The following TRPM8 variants were observed in gnomAD, a reference collection of about 807,000 sequenced individuals.
The protein encoded by TRPM8 is transient receptor potential cation channel subfamily M member 8.
Under a neutral mutation model 133.7 loss-of-function variants are expected in TRPM8, and 110 were observed. That is an observed-to-expected ratio of 0.82 (90% confidence interval 0.70 to 0.96). The LOEUF (loss-of-function observed/expected upper bound fraction) is 0.96. Among genes scored for constraint, TRPM8 ranks in the 40% least tolerant of loss-of-function variants. The pLI is 0.00. For synonymous variants in TRPM8, 535 were observed against 532.3 expected, an observed-to-expected ratio of 1.01 and a Z score of -0.07; for missense variants, 1,291 against 1,379.5, an observed-to-expected ratio of 0.94 and a Z score of 1.02.
Position 233,950,026 on chromosome 2 carries a change from T to C in TRPM8, c.1020T>C (p.Ala340=), listed in dbSNP as rs562545571. 6.2e-7 allele frequency: 1 copy of C among 1,614,198 alleles called. No individual in the cohort carries two copies. The highest frequency in any genetic ancestry group is 8.5e-7 in the Non-Finnish European group (1 of 1,180,038). Residue 340 remains alanine (A), a synonymous_variant, in exon 9 of 26, where the codon GCT becomes GCC. Transcript: ENST00000324695. ...EGSGQIADVI[A]SLVEVEDALT... ...CGGGCCAGATCGCTGATGTGATCGC[T>C]AGCCTGGTGGAGGTGGAGGATGCCC...
At position 233,985,713 on chromosome 2, in the gene TRPM8, C is replaced by T; in HGVS notation, c.2787C>T (p.Cys929=). 1.9e-6 allele frequency: 3 copies of T among 1,614,176 alleles called. No homozygotes were observed. Among genetic ancestry groups the T allele is most frequent in the African/African-American group, 1.3e-5 (1 of 75,064 alleles). Residue 929 remains cysteine, a synonymous_variant, in exon 21 of 26, where the codon TGC becomes TGT. Transcript: ENST00000324695. ...GTACCACGTATGACTTTGCCCACTG[C>T]ACCTTCACTGGGAATGAGTCCAAGC... ...VDGTTYDFAH[C]TFTGNESKPL... is the part of the protein sequence containing the mutation.
chr2:233,919,422 G>A (rs1691367112), intron 1 of TRPM8, among the ~76,000 whole-genome samples: 2 of 152,100 alleles, frequency 1.3e-5, no homozygotes, highest in Non-Finnish European at 2.9e-5. Context: ...CTGTATTAAA[G>A]TGGCACAAAT....
Position 233,927,934 on chromosome 2 carries a change from C to CTCTCTT in TRPM8, c.117+1285_117+1286insTTCTCT, listed in dbSNP as rs1691595930. ...TCTCTCTCTCTCTCTTTCTCTCTCT[C>CTCTCTT]TCTCTCTCTCTCTCTCTCTCTCTCT... On this transcript the variant is annotated intron_variant, in intron 2 of 25. Coordinates refer to ENST00000324695, the MANE Select transcript of TRPM8 (RefSeq NM_024080.5). 7.2e-5 allele frequency among the ~76,000 whole-genome samples: 4 copies of CTCTCTT among 55,382 alleles called. 1 individual carries two copies. The highest frequency in any genetic ancestry group is 6.6e-3 in the Middle Eastern group (1 of 152). 36.3% of individuals were successfully genotyped at this position (55,382 alleles called of 152,430 possible). A position where few individuals can be genotyped will look rare whatever the true frequency, so the allele number is the denominator to read the frequency against.
At position 233,926,562 on chromosome 2, in the gene TRPM8, A is replaced by G. The variant is rs757932193; in HGVS notation, c.25A>G (p.Ser9Gly). Residue 9 changes from serine (S) to glycine (G), a missense_variant, in exon 2 of 26, where the codon AGC becomes GGC. Ser to Gly is a moderately conservative substitution (Grantham distance 56). This residue lies in a region of TRPM8 where 963 missense variants were observed against 968.9 expected (regional missense o/e 0.99). Transcript: ENST00000324695. MSFRAARL[S>G]MRNRRNDTLD... Reference sequence around the variant, plus strand: ...GATGTCCTTTCGGGCAGCCAGGCTCAGCATGAGGAACAGAAGGAATGACAC... The same window carrying G: ...GATGTCCTTTCGGGCAGCCAGGCTCGGCATGAGGAACAGAAGGAATGACAC... The G allele has an allele frequency of 4.3e-6, 7 of 1,614,124 alleles. No individual in the cohort carries two copies. The highest frequency in any genetic ancestry group is 5.1e-6 in the Non-Finnish European group (6 of 1,179,994).
intron 3 of TRPM8, among the ~76,000 whole-genome samples, chr2:233,936,127 C>A (rs577889290): frequency 6.6e-6 from 1 of 152,018 alleles, no homozygotes; most frequent in Non-Finnish European, 1.5e-5. Flanking sequence ...AGGGGCTGTG[C>A]GAGAGTAAAA....
At position 234,018,350 on chromosome 2, in the gene TRPM8, A is replaced by C. The variant is rs200697654; in HGVS notation, c.*1094A>C. Reference sequence around the variant, plus strand: ...TCTCCAGTTGATCATTGGGATGAGCATCTTTGTGCATGAATCCTATTGCTG... The same window carrying C: ...TCTCCAGTTGATCATTGGGATGAGCCTCTTTGTGCATGAATCCTATTGCTG... On this transcript the variant is annotated 3_prime_UTR_variant, in exon 26 of 26. Transcript: ENST00000324695. 6.6e-4 allele frequency: 101 copies of C among 152,168 alleles called. No individual in the cohort carries two copies. Among genetic ancestry groups the C allele is most frequent in the African/African-American group, 2.3e-3 (96 of 41,562 alleles). 9.4% of individuals were successfully genotyped at this position (152,168 alleles called of 1,614,324 possible). A position where few individuals can be genotyped will look rare whatever the true frequency, so the allele number is the denominator to read the frequency against.
At chr2:233,954,122 C>A (rs1213071447) in intron 10 of TRPM8, 103 bp downstream of exon 10, 23 of 738,466 alleles carry the variant, frequency 3.1e-5, no homozygotes, top group Non-Finnish European at 4.4e-5. Flanking sequence ...GAAAGGCAAG[C>A]TTGTACTTAA....
At chr2:233,987,784 C>T (rs1300225090) in intron 21 of TRPM8, among the ~76,000 whole-genome samples, 1 of 152,180 alleles carries the variant, frequency 6.6e-6, no homozygotes, top group Non-Finnish European at 1.5e-5. Context: ...CGGTTTCCCC[C>T]ATACTGTTCT....
chr2:233,979,975 TGAAGAGCAGAACA>T (rs1691965659), intron 17 of TRPM8, 200 bp from the exon 18 acceptor site: 4 of 571,890 alleles, frequency 7.0e-6, no homozygotes, highest in Non-Finnish European at 1.2e-5. Flanking sequence ...CCAGCAGACA[TGAAGAGCAGAACA>T]GCCAGTGTGC....
intron 1 of TRPM8, among the ~76,000 whole-genome samples, chr2:233,921,931 C>T (rs28901600): frequency 0.019 from 2,869 of 152,194 alleles, 89 homozygotes; most frequent in East Asian, 0.15. Context: ...CCTTGGCCTC[C>T]CAAAGTGCTG....
rs28901639 is a variant in TRPM8, at chr2:233,946,192, T to C, written c.874+162T>C. 2.4e-4 allele frequency: 168 copies of C among 689,490 alleles called. 1 individual carries two copies. The African/African-American group carries it at 2.7e-3, about 11-fold the overall frequency. The allele number at this position is 689,490 out of a possible 1,614,324, so 42.7% of individuals were successfully genotyped here. A position where few individuals can be genotyped will look rare whatever the true frequency, so the allele number is the denominator to read the frequency against. On this transcript the variant is annotated intron_variant, in intron 7 of 25. Coordinates refer to ENST00000324695, the MANE Select transcript of TRPM8 (RefSeq NM_024080.5). The stretch of plus-strand genomic sequence containing the variant: ...TATTTCTCTTAATTTTTCCAACACA[T>C]CAGGAATGCTTCTGCCAGGGTCAAT...
At chr2:234,007,097 G>A in intron 23 of TRPM8, 145 bp downstream of exon 23, 6 of 604,236 alleles carry the variant, frequency 9.9e-6, no homozygotes, top group Non-Finnish European at 1.8e-5. Context: ...CCGGGCAATT[G>A]AAGATGACAA....
Position 233,953,902 on chromosome 2 carries a change from C to A in TRPM8, c.1141-15C>A. On this transcript the variant is annotated splice_polypyrimidine_tract_variant and intron_variant, in intron 9 of 25. Transcript: ENST00000324695. ...AAAATCTGTTGGCTGACACTTTGTTCTTTAATTTCGCCAGCTCAAAGAAAT... is the reference window on the plus strand; with the variant it reads ...AAAATCTGTTGGCTGACACTTTGTTATTTAATTTCGCCAGCTCAAAGAAAT... The A allele has an allele frequency of 6.2e-7, 1 of 1,603,560 alleles. No individual in the cohort carries two copies. Among genetic ancestry groups the A allele is most frequent in the South Asian group, 1.1e-5 (1 of 89,242 alleles).
At chr2:233,936,869 A>G (rs1690755142) in intron 3 of TRPM8, among the ~76,000 whole-genome samples, 1 of 151,460 alleles carries the variant, frequency 6.6e-6, no homozygotes, top group Non-Finnish European at 1.5e-5. Flanking sequence ...TAAAACATCA[A>G]ACTAGTTTCT....
At chr2:233,919,401 T>C (rs934848826) in intron 1 of TRPM8, among the ~76,000 whole-genome samples, 2 of 152,152 alleles carry the variant, frequency 1.3e-5, no homozygotes, top group African/African-American at 4.8e-5. Context: ...ACAATCTATT[T>C]CTTCTCAAAG....
At chr2:234,011,847 G>A (rs1416754649) in intron 24 of TRPM8, among the ~76,000 whole-genome samples, 2 of 142,250 alleles carry the variant, frequency 1.4e-5, no homozygotes, top group Non-Finnish European at 3.0e-5. Flanking sequence ...AACCTGGGAG[G>A]CAGAGCTTGC....
At chr2:233,980,555 A>T (rs1309945268) in intron 18 of TRPM8, among the ~76,000 whole-genome samples, 2 of 152,052 alleles carry the variant, frequency 1.3e-5, no homozygotes. Flanking sequence ...TTAAGTAGAG[A>T]TGAGGTTTCA....
At chr2:233,993,755 C>T (rs1024661273) in intron 21 of TRPM8, among the ~76,000 whole-genome samples, 2 of 152,186 alleles carry the variant, frequency 1.3e-5, no homozygotes, top group Non-Finnish European at 2.9e-5. Context: ...ATGGGGGGCC[C>T]ACTTGCCAGA....
At position 233,963,294 on chromosome 2, in the gene TRPM8, A is replaced by G. The variant is rs1300625941; in HGVS notation, c.1666A>G (p.Ile556Val). 1 of 1,613,030 alleles carries G rather than the reference A, an allele frequency of 6.2e-7. No homozygotes were observed. Among genetic ancestry groups the G allele is most frequent in the Non-Finnish European group, 8.5e-7 (1 of 1,179,268 alleles). ...MDIELHDVSP[I>V]TRHPLQALFI... ...TCTAACCCCCCAGGACGTGTCTCCT[A>G]TTACTCGGCACCCCCTGCAAGCTCT... Residue 556 changes from isoleucine (I) to valine (V), a missense_variant, in exon 13 of 26, where the codon ATT becomes GTT. Transcript: ENST00000324695.
Sources: allele counts gnomAD v4.1 joint callset (sites outside exome capture counted in the v4.1 genomes callset), GRCh38; gene constraint gnomAD v4.1.1; regional missense constraint gnomAD v4.1.1; transcripts MANE v1.5; gene names NCBI Gene and HGNC (gene_info 2026-07-23, HGNC 2026-07-21).